Variants in KLHL1 observed in about 807,000 individuals in gnomAD.
KLHL1 encodes the protein kelch like family member 1.
A neutral mutation model predicts 77.7 loss-of-function variants in KLHL1; 47 were observed. That is an observed-to-expected ratio of 0.60 (90% confidence interval 0.48 to 0.77). KLHL1 has a LOEUF of 0.77. Among genes scored for constraint, KLHL1 ranks in the 30% least tolerant of loss-of-function variants. KLHL1 has a pLI of 0.00. For missense variants in KLHL1, 925 were observed against 910.8 expected, an observed-to-expected ratio of 1.02 and a Z score of -0.20; for synonymous variants, 360 against 325.2, an observed-to-expected ratio of 1.11 and a Z score of -1.15.
At chr13:69,970,735 C>T (rs570084259) in intron 2 of KLHL1, among the ~76,000 whole-genome samples, 8 of 152,032 alleles carry the variant, frequency 5.3e-5, no homozygotes, top group South Asian at 2.1e-4. Flanking sequence ...GCAGAGCTTC[C>T]GGAGAGATAA....
At chr13:69,938,105 G>T (rs375027029) in intron 4 of KLHL1, among the ~76,000 whole-genome samples, 3 of 152,020 alleles carry the variant, frequency 2.0e-5, no homozygotes, top group South Asian at 4.1e-4. Context: ...ATGCCTGATT[G>T]GACAAGGATC....
chr13:69,788,677 T>G (rs1280615234), intron 7 of KLHL1, among the ~76,000 whole-genome samples: 1 of 144,914 alleles, frequency 6.9e-6, no homozygotes, highest in African/African-American at 2.6e-5. Context: ...TAATAGAAAA[T>G]ATAGTATTTA....
intron 9 of KLHL1, among the ~76,000 whole-genome samples, chr13:69,715,555 C>G (rs530090657): frequency 1.1e-3 from 163 of 150,750 alleles, no homozygotes; most frequent in African/African-American, 3.9e-3. Flanking sequence ...GAATCTCGCT[C>G]TGTTGCCCAG....
intron 7 of KLHL1, among the ~76,000 whole-genome samples, chr13:69,791,160 CA>C (rs1360443264): frequency 6.6e-6 from 1 of 151,764 alleles, no homozygotes; most frequent in East Asian, 1.9e-4. Flanking sequence ...TATACAAATA[CA>C]AACTGTATTT....
chr13:70,076,721 T>A (rs1176239130), intron 1 of KLHL1, among the ~76,000 whole-genome samples: 2 of 151,790 alleles, frequency 1.3e-5, no homozygotes, highest in Non-Finnish European at 2.9e-5. Context: ...CAGGAGAAAA[T>A]TTTTATAAAA....
chr13:69,971,974 A>G (rs1417010247), intron 2 of KLHL1, among the ~76,000 whole-genome samples: 1 of 152,044 alleles, frequency 6.6e-6, no homozygotes, highest in African/African-American at 2.4e-5. Flanking sequence ...CAAGAAAACA[A>G]AAGTTTTTCA....
chr13:69,975,192 T>C (rs1028341630), intron 2 of KLHL1, among the ~76,000 whole-genome samples: 2 of 152,022 alleles, frequency 1.3e-5, no homozygotes, highest in South Asian at 2.1e-4. Context: ...TATTAGTTGA[T>C]ATAAATATAT....
chr13:69,994,541 A>G (rs1885103411), intron 1 of KLHL1, among the ~76,000 whole-genome samples: 1 of 152,158 alleles, frequency 6.6e-6, no homozygotes, highest in South Asian at 2.1e-4. Flanking sequence ...AGGGAAAATC[A>G]CAAGTTCTGC....
At position 69,961,411 on chromosome 13, in the gene KLHL1, C is replaced by G; in HGVS notation, c.714G>C (p.Ala238=). Residue 238 remains alanine, a synonymous_variant, in exon 3 of 11, where the codon GCG becomes GCC. Coordinates refer to ENST00000377844, the MANE Select transcript of KLHL1 (RefSeq NM_020866.3). The stretch of plus-strand genomic sequence containing the variant: ...CACAAACATCACTTGTAAACATGGC[C>G]GCAAAATAGTCGGAGACTGAACTCA... ...LVLSSVSDYF[A]AMFTSDVCEA... 1 of 1,612,828 alleles carries G rather than the reference C, an allele frequency of 6.2e-7. No individual in the cohort carries two copies. The highest frequency in any genetic ancestry group is 8.5e-7 in the Non-Finnish European group (1 of 1,179,326).
intron 6 of KLHL1, among the ~76,000 whole-genome samples, chr13:69,823,925 C>T (rs1455312149): frequency 6.6e-6 from 1 of 151,630 alleles, no homozygotes; most frequent in African/African-American, 2.4e-5. Context: ...GGTATTTATT[C>T]ATAAATTTTG....
intron 5 of KLHL1, among the ~76,000 whole-genome samples, chr13:69,864,748 T>C (rs576674713): frequency 2.6e-5 from 4 of 152,260 alleles, no homozygotes; most frequent in African/African-American, 7.2e-5. Flanking sequence ...GCCCAATGTA[T>C]GCCAAATATT....
chr13:70,007,786 CA>C (rs1885440372), intron 1 of KLHL1, among the ~76,000 whole-genome samples: 1 of 151,808 alleles, frequency 6.6e-6, no homozygotes, highest in Non-Finnish European at 1.5e-5. Context: ...AAAACAAATA[CA>C]AACACAGAGG....
intron 2 of KLHL1, among the ~76,000 whole-genome samples, chr13:69,962,465 A>T (rs1320037764): frequency 6.6e-6 from 1 of 151,878 alleles, no homozygotes; most frequent in Non-Finnish European, 1.5e-5. Flanking sequence ...CTTTCCTTAC[A>T]GCTGTGTTAA....
At chr13:69,823,401 G>C (rs910673658) in intron 6 of KLHL1, among the ~76,000 whole-genome samples, 2 of 151,848 alleles carry the variant, frequency 1.3e-5, no homozygotes, top group African/African-American at 4.8e-5. Context: ...AGGTATTTGG[G>C]GTTGTTGGTG....
chr13:69,773,744 G>T (rs1207518559), intron 7 of KLHL1, among the ~76,000 whole-genome samples: 1 of 151,382 alleles, frequency 6.6e-6, no homozygotes, highest in African/African-American at 2.4e-5. Context: ...TATATTTCAG[G>T]CCAAGAGTTA....
chr13:70,052,738 C>T (rs1479128131), intron 1 of KLHL1, among the ~76,000 whole-genome samples: 1 of 151,888 alleles, frequency 6.6e-6, no homozygotes, highest in Non-Finnish European at 1.5e-5. Flanking sequence ...TTCTCTCTCT[C>T]TCACATGCAC....
chr13:69,794,614 A>T (rs1454670248), intron 7 of KLHL1, among the ~76,000 whole-genome samples: 2 of 152,006 alleles, frequency 1.3e-5, no homozygotes, highest in Non-Finnish European at 2.9e-5. Context: ...AATCTACAAT[A>T]AAAAAGAGTT....
chr13:69,735,582 G>T (rs1487440038), intron 8 of KLHL1, among the ~76,000 whole-genome samples: 2 of 149,246 alleles, frequency 1.3e-5, no homozygotes, highest in African/African-American at 4.9e-5. Context: ...CACATAATAT[G>T]TAAAATATTA....
chr13:69,903,630 CTTTTTTTTTTTTTTTTTTT>C (rs35761520), intron 4 of KLHL1, among the ~76,000 whole-genome samples: 3 of 50,182 alleles, frequency 6.0e-5, no homozygotes, highest in Admixed American at 7.8e-4. Flanking sequence ...TGTTCACATT[CTTTTTTTTTTTTTTTTTTT>C]TTTTTTTTTT....
Sources: allele counts gnomAD v4.1 joint callset (sites outside exome capture counted in the v4.1 genomes callset), GRCh38; gene constraint gnomAD v4.1.1; transcripts MANE v1.5; gene names NCBI Gene and HGNC (gene_info 2026-07-23, HGNC 2026-07-21).